The following RSPO4 variants were observed in gnomAD, a reference collection of about 807,000 sequenced individuals.
The protein encoded by RSPO4 is R-spondin-4.
In RSPO4, 23 loss-of-function variants were observed where a neutral mutation model predicts 24.8. That is an observed-to-expected ratio of 0.93 (90% CI 0.67 to 1.31). The LOEUF is 1.31. RSPO4 is among the 40% of genes most tolerant of loss of function. RSPO4 has a pLI of 0.00. For synonymous variants in RSPO4, 141 were observed against 127.4 expected (o/e 1.11, Z -0.72); for missense variants, 333 against 316.5 (o/e 1.05, Z -0.39).
chr20:974,675 G>A (rs1984507763), intron 1 of RSPO4, among the ~76,000 whole-genome samples: 1 of 152,194 alleles, frequency 6.6e-6, no homozygotes, highest in African/African-American at 2.4e-5. Flanking sequence ...GTGGAGATGT[G>A]TGTGTTTTCC....
chr20:966,703 C>T (rs559359407), intron 3 of RSPO4, among the ~76,000 whole-genome samples: 45 of 152,162 alleles, frequency 3.0e-4, no homozygotes, highest in African/African-American at 1.0e-3. Flanking sequence ...AAAACATAAA[C>T]GCATAGCCAG....
At chr20:987,523 C>T (rs1465177508) in intron 1 of RSPO4, among the ~76,000 whole-genome samples, 3 of 152,102 alleles carry the variant, frequency 2.0e-5, no homozygotes, top group Non-Finnish European at 4.4e-5. Context: ...CGGTGGCTCA[C>T]ACCTGTAATC....
intron 1 of RSPO4, among the ~76,000 whole-genome samples, chr20:971,560 T>C (rs757216497): frequency 2.0e-5 from 3 of 152,158 alleles, no homozygotes; most frequent in Non-Finnish European, 2.9e-5. Context: ...GTAGCTACAG[T>C]TATCATTGTG....
At chr20:985,909 T>G (rs1167598060) in intron 1 of RSPO4, among the ~76,000 whole-genome samples, 1 of 152,254 alleles carries the variant, frequency 6.6e-6, no homozygotes, top group Non-Finnish European at 1.5e-5. Context: ...CTTGTTGATC[T>G]GCCCTGTGTC....
intron 1 of RSPO4, 104 bp downstream of exon 1, chr20:1,001,982 C>T: frequency 6.4e-6 from 6 of 934,418 alleles, no homozygotes; most frequent in Non-Finnish European, 9.8e-6. Context: ...ACCCAGGGCG[C>T]CAGGCACCAG....
At position 959,235 on chromosome 20, in the gene RSPO4, G is replaced by T. The variant is rs937004978; in HGVS notation, c.*1122C>A. On this transcript the variant is annotated 3_prime_UTR_variant, in exon 5 of 5. Transcript: ENST00000217260. ...AGCGAGTGTGGTGGTGGGTGTGGACGAGTGCACGGATCTTCCCTTGCTCCC... is the reference window on the plus strand; with the variant it reads ...AGCGAGTGTGGTGGTGGGTGTGGACTAGTGCACGGATCTTCCCTTGCTCCC... 2 of 152,210 alleles carry T rather than the reference G, an allele frequency of 1.3e-5. No individual in the cohort carries two copies. Among genetic ancestry groups the T allele is most frequent in the African/African-American group, 4.8e-5 (2 of 41,240 alleles). 9.4% of individuals were successfully genotyped at this position (152,210 alleles called of 1,614,324 possible).
At chr20:1,000,777 CA>C (rs1343547371) in intron 1 of RSPO4, among the ~76,000 whole-genome samples, 6 of 152,182 alleles carry the variant, frequency 3.9e-5, no homozygotes, top group African/African-American at 1.4e-4. Flanking sequence ...GTCCCAAACT[CA>C]CCCCAGCTCA....
In RSPO4 at chr20:1,002,246, C is replaced by G. The variant is rs1985495829; in HGVS notation, c.-82G>C. On this transcript the variant is annotated 5_prime_UTR_variant, in exon 1 of 5. Coordinates refer to ENST00000217260, the MANE Select transcript of RSPO4 (RefSeq NM_001029871.4). The surrounding 1 kb of genome is among the most constrained non-coding windows in gnomAD (Gnocchi z 4.6). Reference sequence around the variant, plus strand: ...CACGTCCCGGCGGCGGCACGGCGGGCGCGGGGGCTGCTGTGGGCGCGCCGG... The same window carrying G: ...CACGTCCCGGCGGCGGCACGGCGGGGGCGGGGGCTGCTGTGGGCGCGCCGG... 1 of 996,692 alleles carries G rather than the reference C, an allele frequency of 1.0e-6. No homozygotes were observed. The highest frequency in any genetic ancestry group is 1.3e-6 in the Non-Finnish European group (1 of 768,376). 61.7% of individuals were successfully genotyped at this position (996,692 alleles called of 1,614,324 possible). A position where few individuals can be genotyped will look rare whatever the true frequency, so the allele number is the denominator to read the frequency against.
In RSPO4 at chr20:981,608, G is replaced by T. The variant is rs1449859175; in HGVS notation, c.80-13470C>A. 6.6e-6 allele frequency among the ~76,000 whole-genome samples: 1 copy of T among 152,230 alleles called. No individual in the cohort carries two copies. Among genetic ancestry groups the T allele is most frequent in the Non-Finnish European group, 1.5e-5 (1 of 68,028 alleles). ...ACTCCTTTCGCCACTCATAGGAGGG[G>T]CATTTCCCCAAGCAGCCTGAGTTGG... On this transcript the variant is annotated intron_variant, in intron 1 of 4. Transcript: ENST00000217260. This position sits in a 1 kb window ranked among gnomAD's most constrained non-coding sequence, Gnocchi z 4.6.
chr20:970,807 G>A lies in RSPO4; in HGVS notation c.80-2669C>T, dbSNP rs116919416. On this transcript the variant is annotated intron_variant, in intron 1 of 4. Coordinates refer to ENST00000217260, the MANE Select transcript of RSPO4 (RefSeq NM_001029871.4). This position sits in a 1 kb window ranked among gnomAD's most constrained non-coding sequence, Gnocchi z 4.1. Reference sequence around the variant, plus strand: ...TCTAGCAGTACCTAATAAATTTGGAGATGTCTCTTTTCTTTTTGTGTTAAA... The same window carrying A: ...TCTAGCAGTACCTAATAAATTTGGAAATGTCTCTTTTCTTTTTGTGTTAAA... Among the ~76,000 whole-genome samples the A allele has an allele frequency of 6.6e-6, 1 of 152,284 alleles. No homozygotes were observed. The highest frequency in any genetic ancestry group is 1.5e-5 in the Non-Finnish European group (1 of 68,020).
rs1568921663 is a variant in RSPO4, at chr20:981,575, G to T, written c.80-13437C>A. ...AAAATAAAAATAAAATATCAAATGGGCAACCTGACTCCTTTCGCCACTCAT... is the reference window on the plus strand; with the variant it reads ...AAAATAAAAATAAAATATCAAATGGTCAACCTGACTCCTTTCGCCACTCAT... On this transcript the variant is annotated intron_variant, in intron 1 of 4. Coordinates refer to ENST00000217260, the MANE Select transcript of RSPO4 (RefSeq NM_001029871.4). The surrounding 1 kb of genome is among the most constrained non-coding windows in gnomAD (Gnocchi z 4.6). Among the ~76,000 whole-genome samples the T allele has an allele frequency of 6.6e-6, 1 of 152,124 alleles. No homozygotes were observed. The highest frequency in any genetic ancestry group is 6.5e-5 in the Admixed American group (1 of 15,268).
Position 967,974 on chromosome 20 carries a change from C to T in RSPO4, c.244G>A (p.Gly82Ser), listed in dbSNP as rs201062485. Residue 82 changes from glycine to serine, a missense_variant, in exon 2 of 5, where the codon GGC becomes AGC. Physicochemically the swap from Gly to Ser is moderately conservative, Grantham distance 56 (BLOSUM62 0). Transcript: ENST00000217260. ...DCPPGYFGIR[G>S]QEVNRCKKCG... ...CTTTTGCACCTGTTGACCTCCTGGC[C>T]GCGGATGCCGAAGTACCCAGGGGGA... 79 of 1,614,084 alleles carry T rather than the reference C, an allele frequency of 4.9e-5. No individual in the cohort carries two copies. The highest frequency in any genetic ancestry group is 8.9e-5 in the East Asian group (4 of 44,886).
intron 4 of RSPO4, 121 bp downstream of exon 4, chr20:963,814 A>G (rs1984082408): frequency 4.0e-6 from 4 of 992,334 alleles, no homozygotes; most frequent in Non-Finnish European, 6.3e-6. Flanking sequence ...ACATGATAGT[A>G]TGGCTAATGG....
intron 3 of RSPO4, among the ~76,000 whole-genome samples, chr20:964,670 A>G (rs1399375475): frequency 6.6e-6 from 1 of 151,256 alleles, no homozygotes; most frequent in Non-Finnish European, 1.5e-5. Flanking sequence ...TAATAAAAAT[A>G]CATATATACA....
chr20:964,795 T>TACACACACACACAC (rs1327859655), intron 3 of RSPO4, among the ~76,000 whole-genome samples: 1 of 108,540 alleles, frequency 9.2e-6, no homozygotes, highest in African/African-American at 4.4e-5. Context: ...TATACACATA[T>TACACACACACACAC]ATACACACAT....
At chr20:987,202 G>T (rs1984948665) in intron 1 of RSPO4, among the ~76,000 whole-genome samples, 1 of 152,208 alleles carries the variant, frequency 6.6e-6, no homozygotes, top group Non-Finnish European at 1.5e-5. Flanking sequence ...GTCTGGGCTA[G>T]TGCACAGCCT....
intron 1 of RSPO4, among the ~76,000 whole-genome samples, chr20:985,730 A>ATT (rs1984900642): frequency 6.6e-6 from 1 of 152,210 alleles, no homozygotes; most frequent in South Asian, 2.1e-4. Flanking sequence ...TCCCCAGCCC[A>ATT]TATAAGCCAG....
intron 1 of RSPO4, among the ~76,000 whole-genome samples, chr20:980,473 T>A (rs1338029742): frequency 6.6e-6 from 1 of 152,032 alleles, no homozygotes; most frequent in Non-Finnish European, 1.5e-5. Flanking sequence ...TCACCCCCAG[T>A]AGAGAGTGAG....
intron 1 of RSPO4, among the ~76,000 whole-genome samples, chr20:1,000,140 A>C (rs1369582821): frequency 6.6e-6 from 1 of 152,174 alleles, no homozygotes; most frequent in Non-Finnish European, 1.5e-5. Flanking sequence ...AAGTGCTGGT[A>C]TTACAGGCGT....
Sources: allele counts gnomAD v4.1 joint callset (sites outside exome capture counted in the v4.1 genomes callset), GRCh38; gene constraint gnomAD v4.1.1; non-coding constraint Gnocchi (gnomAD v3.1); transcripts MANE v1.5; gene names NCBI Gene and HGNC (gene_info 2026-07-23, HGNC 2026-07-21).